The following KMT2B variants were observed in gnomAD, a reference collection of about 807,000 sequenced individuals.
KMT2B encodes the protein histone-lysine N-methyltransferase 2B.
KMT2B carries 22 observed loss-of-function variants against 255.3 expected under a neutral mutation model. The observed-to-expected ratio is 0.09, with a 90% confidence interval of 0.06 to 0.12. The LOEUF is 0.12. Ranked by LOEUF, KMT2B falls within the 10% of genes least tolerant of loss-of-function variation. The pLI is 1.00. For missense variants in KMT2B, 3,149 were observed against 3,737.0 expected (o/e 0.84, Z 4.10); for synonymous variants, 1,730 against 1,498.1 (o/e 1.15, Z -3.57).
At position 35,728,692 on chromosome 19, in the gene KMT2B, C is replaced by T. The variant is rs200584088; in HGVS notation, c.4572-82C>T. The T allele has an allele frequency of 6.4e-4, 629 of 990,486 alleles. 3 individuals are homozygous for T. Among genetic ancestry groups the T allele is most frequent in the African/African-American group, 3.5e-4 (22 of 62,502 alleles). 61.4% of individuals were successfully genotyped at this position (990,486 alleles called of 1,614,324 possible). A position where few individuals can be genotyped will look rare whatever the true frequency, so the allele number is the denominator to read the frequency against. On this transcript the variant is annotated intron_variant, in intron 19 of 36. Coordinates refer to ENST00000420124, the MANE Select transcript of KMT2B (RefSeq NM_014727.3). ...AGAGAGGGAGTAGCGGGTGTCATGG[C>T]GAGTTCAGGCTGGTTTGTGGATGGG...
In KMT2B at chr19:35,734,329, T is replaced by C. The variant is rs117624062; in HGVS notation, c.7159+457T>C. Among the ~76,000 whole-genome samples, 649 of 152,052 alleles carry C rather than the reference T, an allele frequency of 4.3e-3. 31 individuals are homozygous for C. In the East Asian group the frequency reaches 0.11, roughly 25 times the overall value. Reference sequence around the variant, plus strand: ...CAGCTGCCACAGAGACTGCCAGGCCTGTGGAGTCTAGCGTTGGTGTCCAGT... The same window carrying C: ...CAGCTGCCACAGAGACTGCCAGGCCCGTGGAGTCTAGCGTTGGTGTCCAGT... On this transcript the variant is annotated intron_variant, in intron 30 of 36. Coordinates refer to ENST00000420124, the MANE Select transcript of KMT2B (RefSeq NM_014727.3).
At position 35,718,204 on chromosome 19, in the gene KMT2B, G is replaced by A. The variant is rs1969030805; in HGVS notation, c.186G>A (p.Gly62=). 3.4e-5 allele frequency: 39 copies of A among 1,154,372 alleles called. No individual in the cohort carries two copies. Among genetic ancestry groups the A allele is most frequent in the Non-Finnish European group, 4.2e-5 (39 of 936,822 alleles). The allele number at this position is 1,154,372 out of a possible 1,614,324, so 71.5% of individuals were successfully genotyped here. The change falls in exon 1 of 37, where the codon GGG becomes GGA. Residue 62 remains glycine (G), a synonymous_variant. Transcript: ENST00000420124. This position sits in a 1 kb window ranked among gnomAD's most constrained non-coding sequence, Gnocchi z 5.0. ...CGGGGCCGGGCGGAGCCGAGCCCGG[G>A]GAGGACACGGCCCTGCTCCGTTTGC... ...GATGPGGAEP[G]EDTALLRLLG...
chr19:35,724,368 C>T (rs1347984359), intron 8 of KMT2B, among the ~76,000 whole-genome samples: 1 of 152,076 alleles, frequency 6.6e-6, no homozygotes, highest in Non-Finnish European at 1.5e-5. Context: ...TGTGGTGGCA[C>T]GCATCTGTGG....
intron 19 of KMT2B, 109 bp from the exon 20 acceptor site, chr19:35,728,665 A>C: frequency 1.3e-6 from 1 of 770,582 alleles, no homozygotes; most frequent in Non-Finnish European, 2.2e-6. Context: ...GAAATTCCAC[A>C]TAGAGAGGGA....
At position 35,733,502 on chromosome 19, in the gene KMT2B, G is replaced by C; in HGVS notation, c.6953G>C (p.Ser2318Thr). 6.4e-7 allele frequency: 1 copy of C among 1,555,524 alleles called. No homozygotes were observed. The highest frequency in any genetic ancestry group is 1.9e-5 in the Admixed American group (1 of 51,696). The change falls in exon 28 of 37, where the codon AGT becomes ACT. Residue 2318 changes from serine (S) to threonine (T), a missense_variant. Transcript: ENST00000420124. This position sits in a 1 kb window ranked among gnomAD's most constrained non-coding sequence, Gnocchi z 4.3. ...ACCCCTCAGGTTCCAGGGCTTGGCAGTGGCGGGTGAGTGCGGGTGCTGAGG... is the reference window on the plus strand; with the variant it reads ...ACCCCTCAGGTTCCAGGGCTTGGCACTGGCGGGTGAGTGCGGGTGCTGAGG... Reference protein sequence around the residue: ...EDTPQVPGLGSGGFSRVRMKT... With the variant: ...EDTPQVPGLGTGGFSRVRMKT...
chr19:35,722,509 G>A (rs773880080), intron 4 of KMT2B, 37 bp downstream of exon 4: 10 of 1,596,700 alleles, frequency 6.3e-6, no homozygotes, highest in Non-Finnish European at 7.7e-6. Context: ...GAAGACTGGC[G>A]GGAGGAGTGG....
chr19:35,735,496 C>A, intron 30 of KMT2B: 1 of 152,412 alleles, frequency 6.6e-6, no homozygotes. Context: ...AGATGTGTCC[C>A]GGGACCCTGG....
In KMT2B at chr19:35,725,844, C is replaced by A. The variant is rs537130947; in HGVS notation, c.3885+26C>A. 99 of 1,541,138 alleles carry A rather than the reference C, an allele frequency of 6.4e-5. No homozygotes were observed. In the South Asian group the frequency reaches 1.1e-3, roughly 18 times the overall value. ...GTGAGAGATGAGGTTCACCCACTTG[C>A]TTTGTCTCTAATGAATATCACCACC... On this transcript the variant is annotated intron_variant, in intron 13 of 36. Coordinates refer to ENST00000420124, the MANE Select transcript of KMT2B (RefSeq NM_014727.3). This position sits in a 1 kb window ranked among gnomAD's most constrained non-coding sequence, Gnocchi z 4.1.
rs761123223 is a variant in KMT2B, at chr19:35,730,862, C to T, written c.5432C>T (p.Ser1811Phe). The change falls in exon 26 of 37, where the codon TCC (serine) becomes TTC (phenylalanine). Residue 1811 changes from serine to phenylalanine, a missense_variant. This residue lies in a region of KMT2B where 897 missense variants were observed against 825.3 expected (regional missense o/e 1.09). Coordinates refer to ENST00000420124, the MANE Select transcript of KMT2B (RefSeq NM_014727.3). ...NQTIVHSPAP[S>F]SEPPGGEDPP... ...ACCATTGTGCACAGCCCCGCCCCTT[C>T]CTCAGGTGTGGCTTTGGCTCTGTCT... 2.5e-6 allele frequency: 4 copies of T among 1,603,494 alleles called. No individual in the cohort carries two copies. The highest frequency in any genetic ancestry group is 1.8e-4 in the Middle Eastern group (1 of 5,486).
chr19:35,736,894 G>A lies in KMT2B; in HGVS notation c.7298-18G>A, dbSNP rs368913581. ...AAAACACCATCCTGACTCAGCTCTG[G>A]CTCTGCTGTCTCCCCAGGGGCGTGG... On this transcript the variant is annotated intron_variant, in intron 31 of 36. Transcript: ENST00000420124. The A allele has an allele frequency of 5.0e-4, 808 of 1,613,838 alleles. No homozygotes were observed. The highest frequency in any genetic ancestry group is 6.4e-4 in the Non-Finnish European group (750 of 1,179,884).
intron 3 of KMT2B, 114 bp downstream of exon 3, chr19:35,721,918 A>G: frequency 7.3e-7 from 1 of 1,378,524 alleles, no homozygotes; most frequent in Non-Finnish European, 9.5e-7. Flanking sequence ...GAACCCTCAG[A>G]ACCTGCCTTT....
intron 30 of KMT2B, among the ~76,000 whole-genome samples, chr19:35,734,730 T>C (rs1969852697): frequency 6.6e-6 from 1 of 152,142 alleles, no homozygotes; most frequent in African/African-American, 2.4e-5. Flanking sequence ...GAGTTTTCTG[T>C]TGGTCCCTGA....
At position 35,718,864 on chromosome 19, in the gene KMT2B, G is replaced by A. The variant is rs1599666629; in HGVS notation, c.363+483G>A. Among the ~76,000 whole-genome samples, 2 of 152,172 alleles carry A rather than the reference G, an allele frequency of 1.3e-5. No homozygotes were observed. The highest frequency in any genetic ancestry group is 3.9e-4 in the East Asian group (2 of 5,188). Reference sequence around the variant, plus strand: ...GAGTGGTGGAGGGCTTCCTCTTGGGGCTCGGGTTGAACAGGAGTGGGATGA... The same window carrying A: ...GAGTGGTGGAGGGCTTCCTCTTGGGACTCGGGTTGAACAGGAGTGGGATGA... On this transcript the variant is annotated intron_variant, in intron 1 of 36. Coordinates refer to ENST00000420124, the MANE Select transcript of KMT2B (RefSeq NM_014727.3). This position sits in a 1 kb window ranked among gnomAD's most constrained non-coding sequence, Gnocchi z 5.0.
In KMT2B at chr19:35,732,143, C is replaced by T. The variant is rs904462561; in HGVS notation, c.5665+8C>T. The T allele has an allele frequency of 1.9e-6, 3 of 1,581,876 alleles. No homozygotes were observed. The highest frequency in any genetic ancestry group is 2.7e-5 in the African/African-American group (2 of 73,872). ...GCCCCCTGCCCTCCCCTGGTGAGCACCGGGCATGTGGGGGTTGGGGGTGGA... is the reference window on the plus strand; with the variant it reads ...GCCCCCTGCCCTCCCCTGGTGAGCATCGGGCATGTGGGGGTTGGGGGTGGA... On this transcript the variant is annotated splice_region_variant and intron_variant, in intron 27 of 36. Transcript: ENST00000420124.
intron 1 of KMT2B, among the ~76,000 whole-genome samples, chr19:35,719,066 G>A (rs1051664094): frequency 1.3e-5 from 2 of 152,140 alleles, no homozygotes; most frequent in Non-Finnish European, 2.9e-5. Flanking sequence ...CTTCACTTGC[G>A]GGCCCCTGTT....
In KMT2B at chr19:35,723,198, C is replaced by A. The variant is rs774799431; in HGVS notation, c.2926C>A (p.Gln976Lys). 1 of 1,613,396 alleles carries A rather than the reference C, an allele frequency of 6.2e-7. No individual in the cohort carries two copies. Among genetic ancestry groups the A allele is most frequent in the East Asian group, 2.2e-5 (1 of 44,874 alleles). The change falls in exon 6 of 37, where the codon CAG becomes AAG. Residue 976 changes from glutamine to lysine, a missense_variant. Around this residue, in one of 18 missense-constraint regions of KMT2B, gnomAD observed 132 missense variants for 174.7 expected, o/e 0.76. Transcript: ENST00000420124. The surrounding 1 kb of genome is among the most constrained non-coding windows in gnomAD (Gnocchi z 7.5). Reference sequence around the variant, plus strand: ...ACACTGTCGGGGCTGCCTACGTGTGCAGGACTGTGGGTCCTGTGTCAACTG... The same window carrying A: ...ACACTGTCGGGGCTGCCTACGTGTGAAGGACTGTGGGTCCTGTGTCAACTG... ...CGHCRGCLRV[Q>K]DCGSCVNCLD...
rs763275695 is a variant in KMT2B, at chr19:35,723,017, T to C, written c.2745T>C (p.Thr915=). The C allele has an allele frequency of 2.5e-6, 4 of 1,606,946 alleles. No individual in the cohort carries two copies. The change falls in exon 6 of 37, where the codon ACT becomes ACC. Residue 915 remains threonine, a synonymous_variant. Coordinates refer to ENST00000420124, the MANE Select transcript of KMT2B (RefSeq NM_014727.3). The surrounding 1 kb of genome is among the most constrained non-coding windows in gnomAD (Gnocchi z 7.5). ...TAGATACATCATCGGCGTCCGAGAC[T>C]GAGAGTGTCCCGTCACGGTCCCGGC... is the stretch of plus-strand genomic sequence containing the variant. ...ATEDTSSASE[T]ESVPSRSRRG... is the part of the protein sequence containing the mutation.
rs66747537 is a variant in KMT2B at position 35,729,529 on chromosome 19, A to G, written c.4917+233A>G. The stretch of plus-strand genomic sequence containing the variant: ...CTAAAAGTGAGAAGAGTGCCCATTG[A>G]TTGAACCTGGGCTGCACGCTTTCCA... On this transcript the variant is annotated intron_variant, in intron 22 of 36. Coordinates refer to ENST00000420124, the MANE Select transcript of KMT2B (RefSeq NM_014727.3). 0.15 allele frequency among the ~76,000 whole-genome samples: 22,938 copies of G among 152,050 alleles called. 1,862 individuals are homozygous for G. The highest frequency in any genetic ancestry group is 0.27 in the South Asian group (1,318 of 4,822).
At position 35,720,286 on chromosome 19, in the gene KMT2B, A is replaced by C; in HGVS notation, c.939A>C (p.Lys313Asn). 6.2e-7 allele frequency: 1 copy of C among 1,613,478 alleles called. No homozygotes were observed. Among genetic ancestry groups the C allele is most frequent in the Non-Finnish European group, 8.5e-7 (1 of 1,179,774 alleles). Residue 313 changes from lysine to asparagine, a missense_variant, in exon 3 of 37, where the codon AAA (lysine) becomes AAC (asparagine). This residue lies in a region of KMT2B where 1,188 missense variants were observed against 1,106.4 expected (regional missense o/e 1.07). Transcript: ENST00000420124. ...TCAAGTTTGTTTCAAGGGCCAAAAA[A>C]GTAAAGATGGGACAATTGTCCTTGG... The part of the protein sequence containing the change: ...FVIKFVSRAK[K>N]VKMGQLSLGL...
Sources: allele counts gnomAD v4.1 joint callset (sites outside exome capture counted in the v4.1 genomes callset), GRCh38; gene constraint gnomAD v4.1.1; regional missense constraint gnomAD v4.1.1; non-coding constraint Gnocchi (gnomAD v3.1); transcripts MANE v1.5; gene names NCBI Gene and HGNC (gene_info 2026-07-23, HGNC 2026-07-21).